Variants in TNR observed in about 807,000 individuals in gnomAD.
The protein encoded by TNR is tenascin R.
TNR carries 45 observed loss-of-function variants against 150.4 expected under a neutral mutation model. That is an observed-to-expected ratio of 0.30 (90% confidence interval 0.24 to 0.38). The LOEUF (loss-of-function observed/expected upper bound fraction) is 0.38. TNR is among the 10% of genes least tolerant of loss of function. The probability of loss-of-function intolerance (pLI) is 1.00; values close to 1 mark genes in which losing one functional copy is unlikely to be tolerated. For synonymous variants in TNR, 687 were observed against 678.4 expected, an observed-to-expected ratio of 1.01 and a Z score of -0.20; for missense variants, 1,544 against 1,759.1, an observed-to-expected ratio of 0.88 and a Z score of 2.19.
intron 18 of TNR, among the ~76,000 whole-genome samples, chr1:175,340,882 C>T (rs531780124): frequency 1.4e-4 from 22 of 152,270 alleles, no homozygotes; most frequent in African/African-American, 5.1e-4. Context: ...CCCTTTCCTC[C>T]TCTTTCCCTC....
intron 14 of TNR, among the ~76,000 whole-genome samples, chr1:175,362,149 C>T (rs1452265992): frequency 6.6e-6 from 1 of 152,204 alleles, no homozygotes; most frequent in Non-Finnish European, 1.5e-5. Context: ...ACATCACCTT[C>T]ACTGCTTTGG....
At chr1:175,717,283 T>C (rs886243392) in intron 1 of TNR, among the ~76,000 whole-genome samples, 1 of 152,052 alleles carries the variant, frequency 6.6e-6, no homozygotes, top group Non-Finnish European at 1.5e-5. Flanking sequence ...AAAGTTCTAG[T>C]AGAGTAGGGA....
rs571612872 is a variant in TNR, at chr1:175,657,281, C to T, written c.-165+85945G>A. 5.5e-4 allele frequency among the ~76,000 whole-genome samples: 83 copies of T among 152,122 alleles called. 1 individual carries two copies. The highest frequency in any genetic ancestry group is 1.2e-3 in the African/African-American group (50 of 41,500). On this transcript the variant is annotated intron_variant, in intron 1 of 22. Coordinates refer to ENST00000367674, the MANE Select transcript of TNR (RefSeq NM_003285.3). The stretch of plus-strand genomic sequence containing the variant: ...AAAGTCAGGGAACAACACGTGCTGG[C>T]GAGGATGTGGAGAAATAGGAACACT...
intron 2 of TNR, among the ~76,000 whole-genome samples, chr1:175,520,428 C>A (rs1659590533): frequency 6.6e-6 from 1 of 152,228 alleles, no homozygotes; most frequent in Admixed American, 6.5e-5. Context: ...TAACAAACAA[C>A]TTGCTGTGGT....
At chr1:175,382,280 C>T (rs1652716193) in intron 8 of TNR, among the ~76,000 whole-genome samples, 1 of 152,168 alleles carries the variant, frequency 6.6e-6, no homozygotes, top group Admixed American at 6.5e-5. Context: ...GATAAGCACA[C>T]ATCAAGTTGT....
At chr1:175,740,607 G>T (rs6663878) in intron 1 of TNR, among the ~76,000 whole-genome samples, 16,044 of 152,034 alleles carry the variant, frequency 0.11, 1,166 homozygotes, top group East Asian at 0.23. Flanking sequence ...GGGGGGTTGG[G>T]CATGAGAACT....
chr1:175,344,256 C>A (rs1392430304), intron 18 of TNR, among the ~76,000 whole-genome samples: 5 of 152,166 alleles, frequency 3.3e-5, no homozygotes, highest in African/African-American at 1.2e-4. Context: ...TTTCCCTTTC[C>A]ATCTGAGATG....
intron 1 of TNR, among the ~76,000 whole-genome samples, chr1:175,585,403 T>G (rs1662525391): frequency 6.6e-6 from 1 of 152,246 alleles, no homozygotes; most frequent in Non-Finnish European, 1.5e-5. Flanking sequence ...ATGTATTATG[T>G]GCCAAGAGTA....
intron 1 of TNR, among the ~76,000 whole-genome samples, chr1:175,730,512 A>C (rs1260778669): frequency 6.6e-6 from 1 of 152,234 alleles, no homozygotes; most frequent in African/African-American, 2.4e-5. Context: ...AATGACTGGC[A>C]GAGAGTAGAT....
chr1:175,475,772 GA>G (rs35816300), intron 2 of TNR, among the ~76,000 whole-genome samples: 10 of 150,036 alleles, frequency 6.7e-5, no homozygotes, highest in East Asian at 3.9e-4. Flanking sequence ...CCTGGATGAG[GA>G]AAAAAAAAAC....
In TNR at chr1:175,318,514, A is replaced by C. The variant is rs1385917289; in HGVS notation, c.*4843T>G. 1 of 152,208 alleles carries C rather than the reference A, an allele frequency of 6.6e-6. No homozygotes were observed. The highest frequency in any genetic ancestry group is 1.9e-4 in the East Asian group (1 of 5,192). 9.4% of individuals were successfully genotyped at this position (152,208 alleles called of 1,614,324 possible). A position where few individuals can be genotyped will look rare whatever the true frequency, so the allele number is the denominator to read the frequency against. ...AGTTACTTTCCCTGCTTGCTTTTGA[A>C]AGTTTTCATTTGGTCTGTGAGTTCT... On this transcript the variant is annotated 3_prime_UTR_variant, in exon 23 of 23. Transcript: ENST00000367674.
chr1:175,742,691 G>C (rs1667965063), intron 1 of TNR, among the ~76,000 whole-genome samples: 1 of 152,166 alleles, frequency 6.6e-6, no homozygotes, highest in Non-Finnish European at 1.5e-5. Flanking sequence ...CAAGAGCCCA[G>C]AGAATACTAG....
At chr1:175,486,090 T>C (rs1657999025) in intron 2 of TNR, among the ~76,000 whole-genome samples, 1 of 151,728 alleles carries the variant, frequency 6.6e-6, no homozygotes, top group East Asian at 1.9e-4. Flanking sequence ...GGGATGAAAC[T>C]GTTCCACCTC....
At chr1:175,736,499 C>T (rs201967599) in intron 1 of TNR, among the ~76,000 whole-genome samples, 9 of 150,228 alleles carry the variant, frequency 6.0e-5, no homozygotes, top group East Asian at 2.0e-4. Context: ...CCAGCCTGGA[C>T]GACAGAACAA....
At chr1:175,718,102 T>C (rs1484501516) in intron 1 of TNR, among the ~76,000 whole-genome samples, 2 of 152,158 alleles carry the variant, frequency 1.3e-5, no homozygotes, top group African/African-American at 4.8e-5. Context: ...GTTAATAAAA[T>C]GTATTTTTCA....
intron 1 of TNR, among the ~76,000 whole-genome samples, chr1:175,602,448 G>A (rs575479772): frequency 1.3e-5 from 2 of 152,246 alleles, no homozygotes; most frequent in East Asian, 1.9e-4. Flanking sequence ...CTACTACACC[G>A]TGAGAACAGC....
At chr1:175,590,342 A>C (rs1039784921) in intron 1 of TNR, among the ~76,000 whole-genome samples, 1 of 152,196 alleles carries the variant, frequency 6.6e-6, no homozygotes, top group Non-Finnish European at 1.5e-5. Context: ...TTTTGTATTA[A>C]TTTTGATTTT....
intron 2 of TNR, among the ~76,000 whole-genome samples, chr1:175,494,420 A>G (rs1266988168): frequency 1.3e-5 from 2 of 152,196 alleles, no homozygotes; most frequent in Non-Finnish European, 2.9e-5. Flanking sequence ...AGTGGTCAGG[A>G]GAGGTTGGCA....
At chr1:175,720,474 A>T (rs1310156938) in intron 1 of TNR, among the ~76,000 whole-genome samples, 2 of 152,148 alleles carry the variant, frequency 1.3e-5, no homozygotes, top group Non-Finnish European at 2.9e-5. Flanking sequence ...TCCACAATTC[A>T]TTTGGTCCTT....
Sources: allele counts gnomAD v4.1 joint callset (sites outside exome capture counted in the v4.1 genomes callset), GRCh38; gene constraint gnomAD v4.1.1; transcripts MANE v1.5; gene names NCBI Gene and HGNC (gene_info 2026-07-23, HGNC 2026-07-21).